The following CDON variants were observed in gnomAD, a reference collection of about 807,000 sequenced individuals.
CDON encodes the protein cell adhesion molecule-related/down-regulated by oncogenes.
In CDON, 73 loss-of-function variants were observed where a neutral mutation model predicts 120.9. That is an observed-to-expected ratio of 0.60 (90% CI 0.50 to 0.73). CDON has a LOEUF of 0.73. Among genes scored for constraint, CDON ranks in the 30% least tolerant of loss-of-function variants. The pLI, the probability that CDON is intolerant of heterozygous loss-of-function variation, is 0.00. For missense variants in CDON, 1,470 were observed against 1,587.3 expected, an observed-to-expected ratio of 0.93 and a Z score of 1.26; for synonymous variants, 566 against 573.5, an observed-to-expected ratio of 0.99 and a Z score of 0.19.
At chr11:125,962,626 C>A (rs191539427) in intron 18 of CDON, among the ~76,000 whole-genome samples, 2 of 152,186 alleles carry the variant, frequency 1.3e-5, no homozygotes, top group African/African-American at 2.4e-5. Context: ...CCTGCCTTTA[C>A]GTACAATGTG....
At chr11:125,989,803 T>C in intron 14 of CDON, 44 bp from the exon 15 acceptor site, 3 of 1,574,300 alleles carry the variant, frequency 1.9e-6, no homozygotes, top group Non-Finnish European at 2.6e-6. Flanking sequence ...ACAGCCTAAA[T>C]GATAATGTCA....
chr11:126,015,177 GACC>G (rs1316357234), intron 7 of CDON, 61 bp downstream of exon 7: 4 of 1,449,006 alleles, frequency 2.8e-6, no homozygotes. Context: ...TTTCATTTTT[GACC>G]ACAACAAAAG....
In CDON at chr11:125,958,436, G is replaced by A. The variant is rs1233543855; in HGVS notation, c.*2506C>T. 6.6e-6 allele frequency: 1 copy of A among 152,048 alleles called. No individual in the cohort carries two copies. The highest frequency in any genetic ancestry group is 2.4e-5 in the African/African-American group (1 of 41,400). The allele number at this position is 152,048 out of a possible 1,614,324, so 9.4% of individuals were successfully genotyped here. On this transcript the variant is annotated 3_prime_UTR_variant, in exon 20 of 20. Coordinates refer to ENST00000531738, the MANE Select transcript of CDON (RefSeq NM_001378964.1). ...AGTGCTGTCTCCCACACTGTACCATGTCCTCTCATTTCCTGGTGAAGTGAC... is the reference window on the plus strand; with the variant it reads ...AGTGCTGTCTCCCACACTGTACCATATCCTCTCATTTCCTGGTGAAGTGAC...
At chr11:125,990,652 G>A (rs1946608424) in intron 14 of CDON, among the ~76,000 whole-genome samples, 2 of 152,126 alleles carry the variant, frequency 1.3e-5, no homozygotes, top group Admixed American at 1.3e-4. Flanking sequence ...ATTAATTAAA[G>A]GGGGAGAAAA....
intron 1 of CDON, among the ~76,000 whole-genome samples, chr11:126,044,931 C>A (rs1234012413): frequency 6.6e-6 from 1 of 152,044 alleles, no homozygotes; most frequent in Non-Finnish European, 1.5e-5. Context: ...AACCTAATTA[C>A]CCTGATTTGA....
At chr11:125,983,720 G>A (rs1258004893) in intron 16 of CDON, 152 bp downstream of exon 16, 4 of 708,672 alleles carry the variant, frequency 5.6e-6, no homozygotes, top group Non-Finnish European at 7.4e-6. Flanking sequence ...AGCTAGAACA[G>A]TTTTAAAGTC....
chr11:125,990,826 G>A (rs1415919476), intron 14 of CDON, among the ~76,000 whole-genome samples: 6 of 151,960 alleles, frequency 3.9e-5, no homozygotes, highest in Non-Finnish European at 5.9e-5. Flanking sequence ...ACAGACCCGC[G>A]TTTTTTAAGG....
chr11:125,964,437 G>T (rs1015373662), intron 18 of CDON, among the ~76,000 whole-genome samples: 9 of 152,140 alleles, frequency 5.9e-5, no homozygotes, highest in Non-Finnish European at 7.3e-5. Flanking sequence ...GTCCCAGAAT[G>T]ACTTAAAGTG....
chr11:125,962,764 C>T (rs618566), intron 18 of CDON, among the ~76,000 whole-genome samples: 108,310 of 152,056 alleles, frequency 0.71, 38,904 homozygotes, highest in East Asian at 0.85. Flanking sequence ...ATTTTAGTTA[C>T]TGAGCTCTTT....
At chr11:126,025,530 G>GT (rs200067505) in intron 1 of CDON, among the ~76,000 whole-genome samples, 6,000 of 143,956 alleles carry the variant, frequency 0.042, 390 homozygotes, top group African/African-American at 0.16. Flanking sequence ...TGTTTGTGGG[G>GT]GGTGTGTGTG....
intron 15 of CDON, among the ~76,000 whole-genome samples, chr11:125,987,627 A>G (rs1946507410): frequency 6.6e-6 from 1 of 152,234 alleles, no homozygotes; most frequent in Non-Finnish European, 1.5e-5. Context: ...AATGAGGTAT[A>G]CTATTGTAAT....
intron 1 of CDON, among the ~76,000 whole-genome samples, chr11:126,053,386 C>T (rs774767107): frequency 9.2e-5 from 14 of 152,144 alleles, no homozygotes; most frequent in Non-Finnish European, 1.6e-4. Context: ...GCTAGGACAC[C>T]AAACCGAAAT....
chr11:126,061,014 C>T (rs1948782652), intron 1 of CDON, among the ~76,000 whole-genome samples: 1 of 152,146 alleles, frequency 6.6e-6, no homozygotes, highest in Non-Finnish European at 1.5e-5. Context: ...CAAAGCATCC[C>T]AAGTGAGTTA....
intron 17 of CDON, among the ~76,000 whole-genome samples, chr11:125,980,523 G>A (rs903029324): frequency 6.6e-6 from 1 of 152,168 alleles, no homozygotes. Context: ...ATTTCACTTG[G>A]ATTTACAGAG....
rs1373784893 is a variant in CDON, at chr11:126,015,331, C to T, written c.1108G>A (p.Val370Ile). ...TACATCCCAACATCTTCCACAGTAA[C>T]CCCACTGATTTTCAGTCCGTTTCCT... ...TAGNGLKISG[V>I]TVEDVGMYQC... The change falls in exon 7 of 20, where the codon GTT becomes ATT. Residue 370 changes from valine to isoleucine, a missense_variant. Coordinates refer to ENST00000531738, the MANE Select transcript of CDON (RefSeq NM_001378964.1). 6.2e-7 allele frequency: 1 copy of T among 1,614,014 alleles called. No homozygotes were observed. The highest frequency in any genetic ancestry group is 8.5e-7 in the Non-Finnish European group (1 of 1,179,932).
chr11:126,033,205 G>C (rs547089785), intron 1 of CDON, among the ~76,000 whole-genome samples: 2 of 152,288 alleles, frequency 1.3e-5, no homozygotes, highest in African/African-American at 4.8e-5. Context: ...ACTGAGATGG[G>C]AGCAGCAGGG....
intron 7 of CDON, among the ~76,000 whole-genome samples, chr11:126,011,270 G>A (rs1947294132): frequency 6.6e-6 from 1 of 152,108 alleles, no homozygotes. Context: ...TTTGGTCCTG[G>A]TATTCTCTGG....
chr11:125,980,162 T>C (rs1343691578), intron 17 of CDON, among the ~76,000 whole-genome samples: 1 of 152,202 alleles, frequency 6.6e-6, no homozygotes, highest in Non-Finnish European at 1.5e-5. Flanking sequence ...GTAATATAGA[T>C]GTGCATCCAA....
intron 8 of CDON, among the ~76,000 whole-genome samples, chr11:126,007,010 A>T (rs956024567): frequency 7.9e-5 from 12 of 152,222 alleles, no homozygotes; most frequent in South Asian, 2.1e-4. Flanking sequence ...GTGAAAAAAA[A>T]AATAATAAGA....
Sources: allele counts gnomAD v4.1 joint callset (sites outside exome capture counted in the v4.1 genomes callset), GRCh38; gene constraint gnomAD v4.1.1; transcripts MANE v1.5; gene names NCBI Gene and HGNC (gene_info 2026-07-23, HGNC 2026-07-21).